The following SALL1 variants were observed in gnomAD, a reference collection of about 807,000 sequenced individuals.
SALL1 encodes the protein spalt like transcription factor 1, also known as sal-like protein 1.
In SALL1, 10 loss-of-function variants were observed where a neutral mutation model predicts 73.1. The ratio of observed to expected loss-of-function variants is 0.14; its 90% confidence interval spans 0.08 to 0.23. SALL1 has a LOEUF of 0.23. Ranked by LOEUF, SALL1 falls within the 10% of genes least tolerant of loss-of-function variation. The pLI, the probability that SALL1 is intolerant of heterozygous loss-of-function variation, is 1.00. For synonymous variants in SALL1, 688 were observed against 689.8 expected, an observed-to-expected ratio of 1.00 and a Z score of 0.04; for missense variants, 1,520 against 1,697.3, an observed-to-expected ratio of 0.90 and a Z score of 1.84.
chr16:51,140,845 C>T lies in SALL1; in HGVS notation c.1377G>A (p.Gly459=). Residue 459 remains glycine, a synonymous_variant, in exon 2 of 3, where the codon GGG becomes GGA. Coordinates refer to ENST00000251020, the MANE Select transcript of SALL1 (RefSeq NM_002968.3). The surrounding 1 kb of genome is among the most constrained non-coding windows in gnomAD (Gnocchi z 5.7). The stretch of plus-strand genomic sequence containing the variant: ...AGTGGATCTGCAAGGCACTGTCACT[C>T]CCAAAGACCTTCGCGCAGAACCTGC... ...HKCRFCAKVF[G]SDSALQIHLR... is the part of the protein sequence containing the mutation. 6.2e-7 allele frequency: 1 copy of T among 1,614,240 alleles called. No individual in the cohort carries two copies.
chr16:51,136,858 T>G lies in SALL1; in HGVS notation c.*254A>C. On this transcript the variant is annotated 3_prime_UTR_variant, in exon 3 of 3. Coordinates refer to ENST00000251020, the MANE Select transcript of SALL1 (RefSeq NM_002968.3). ...TTTACAGCACTCTAGTCAATTAGTATTTAGTCCAAAATACAGAAGACCAAA... is the reference window on the plus strand; with the variant it reads ...TTTACAGCACTCTAGTCAATTAGTAGTTAGTCCAAAATACAGAAGACCAAA... 1 of 511,290 alleles carries G rather than the reference T, an allele frequency of 2.0e-6. No homozygotes were observed. The highest frequency in any genetic ancestry group is 2.3e-5 in the South Asian group (1 of 43,528). 31.7% of individuals were successfully genotyped at this position (511,290 alleles called of 1,614,324 possible). A position where few individuals can be genotyped will look rare whatever the true frequency, so the allele number is the denominator to read the frequency against.
In SALL1 at chr16:51,141,176, G is replaced by A. The variant is rs577445716; in HGVS notation, c.1046C>T (p.Thr349Ile). Reference sequence around the variant, plus strand: ...AGCCACTTTTTCAGAGGACGGGGTGGTAACTGCCGCTGCCAATATGTTCAT... The same window carrying A: ...AGCCACTTTTTCAGAGGACGGGGTGATAACTGCCGCTGCCAATATGTTCAT... ...PNMNILAAAV[T>I]TPSSEKVASS... Residue 349 changes from threonine (T) to isoleucine (I), a missense_variant, in exon 2 of 3, where the codon ACC (threonine) becomes ATC (isoleucine). Thr to Ile is a moderately conservative substitution (Grantham distance 89). Coordinates refer to ENST00000251020, the MANE Select transcript of SALL1 (RefSeq NM_002968.3). This position sits in a 1 kb window ranked among gnomAD's most constrained non-coding sequence, Gnocchi z 5.4. 6.2e-7 allele frequency: 1 copy of A among 1,614,224 alleles called. No individual in the cohort carries two copies. The highest frequency in any genetic ancestry group is 1.3e-5 in the African/African-American group (1 of 75,048).
intron 1 of SALL1, among the ~76,000 whole-genome samples, chr16:51,150,219 G>T (rs1157285079): frequency 1.1e-4 from 16 of 152,162 alleles, no homozygotes; most frequent in Admixed American, 1.0e-3. Context: ...GCCCCTTCGG[G>T]ACCCACAGTT....
chr16:51,150,368 G>A (rs1343203389), intron 1 of SALL1: 3 of 978,942 alleles, frequency 3.1e-6, no homozygotes, highest in Non-Finnish European at 3.6e-6. Context: ...ATCCGCAGAG[G>A]GCGCATACCG....
intron 2 of SALL1, among the ~76,000 whole-genome samples, chr16:51,137,876 G>A (rs2143433416): frequency 6.6e-6 from 1 of 152,310 alleles, no homozygotes; most frequent in East Asian, 1.9e-4. Context: ...GTGGCGGATA[G>A]CTCCTTTCAG....
In SALL1 at chr16:51,141,318, T is replaced by G; in HGVS notation, c.904A>C (p.Ser302Arg). ...QLAAAAGLAQSLASQSASISG... is the reference protein window; with the variant it reads ...QLAAAAGLAQRLASQSASISG... ...ATGCTGGCAGATTGGCTGGCGAGGC[T>G]CTGTGCCAATCCAGCTGCTGCTGCC... Residue 302 changes from serine to arginine, a missense_variant, in exon 2 of 3, where the codon AGC (serine) becomes CGC (arginine). This residue lies in a region of SALL1 where 540 missense variants were observed against 567.5 expected (regional missense o/e 0.95). Transcript: ENST00000251020. The surrounding 1 kb of genome is among the most constrained non-coding windows in gnomAD (Gnocchi z 5.4). 1.2e-6 allele frequency: 2 copies of G among 1,613,810 alleles called. No individual in the cohort carries two copies. Among genetic ancestry groups the G allele is most frequent in the Non-Finnish European group, 1.7e-6 (2 of 1,180,044 alleles).
chr16:51,138,543 C>G, intron 2 of SALL1, 145 bp downstream of exon 2: 1 of 1,094,450 alleles, frequency 9.1e-7, no homozygotes, highest in Non-Finnish European at 1.3e-6. Flanking sequence ...CATTTCTCCC[C>G]CGTCAACCAT....
upstream of SALL1, among the ~76,000 whole-genome samples, chr16:51,151,529 G>T (rs1962607637): frequency 6.6e-6 from 1 of 151,854 alleles, no homozygotes; most frequent in South Asian, 2.1e-4. Context: ...GTGATTTGCT[G>T]CAGACCCCTG....
At chr16:51,150,629 AGTGTGCGTGG>A in intron 1 of SALL1, 5 of 957,624 alleles carry the variant, frequency 5.2e-6, no homozygotes, top group Non-Finnish European at 6.2e-6. Context: ...GCCGAGGGGG[AGTGTGCGTGG>A]GGGCAGGGGG....
At position 51,140,520 on chromosome 16, in the gene SALL1, G is replaced by A. The variant is rs1962404377; in HGVS notation, c.1702C>T (p.Pro568Ser). 2 of 1,614,050 alleles carry A rather than the reference G, an allele frequency of 1.2e-6. No individual in the cohort carries two copies. The highest frequency in any genetic ancestry group is 2.2e-5 in the East Asian group (1 of 44,864). The change falls in exon 2 of 3, where the codon CCC becomes TCC. Residue 568 changes from proline (P) to serine (S), a missense_variant. Pro to Ser is a moderately conservative substitution (Grantham distance 74). Coordinates refer to ENST00000251020, the MANE Select transcript of SALL1 (RefSeq NM_002968.3). This position sits in a 1 kb window ranked among gnomAD's most constrained non-coding sequence, Gnocchi z 5.7. ...PLPPTLPSLIPFIKTEEPAPI... is the reference protein window; with the variant it reads ...PLPPTLPSLISFIKTEEPAPI... Reference sequence around the variant, plus strand: ...GCTGGCTCTTCCGTCTTGATGAAGGGTATGAGGCTTGGGAGGGTTGGGGGC... The same window carrying A: ...GCTGGCTCTTCCGTCTTGATGAAGGATATGAGGCTTGGGAGGGTTGGGGGC...
chr16:51,151,282 A>G (rs1266677537), upstream of SALL1: 2 of 1,321,556 alleles, frequency 1.5e-6, no homozygotes, highest in Admixed American at 2.3e-5. Context: ...AAAAATTACT[A>G]AAAAAAAATC....
intron 1 of SALL1, among the ~76,000 whole-genome samples, chr16:51,145,863 T>C (rs1023820685): frequency 1.3e-5 from 2 of 152,164 alleles, no homozygotes; most frequent in Non-Finnish European, 2.9e-5. Flanking sequence ...GTACTTCCCA[T>C]TATCTTAAGA....
In SALL1 at chr16:51,143,303, C is replaced by G. The variant is rs116779597; in HGVS notation, c.77-1158G>C. The G allele has an allele frequency of 3.3e-3, 1,305 of 395,928 alleles. 20 individuals are homozygous for G. Among genetic ancestry groups the G allele is most frequent in the African/African-American group, 0.025 (1,207 of 47,692 alleles). 24.5% of individuals were successfully genotyped at this position (395,928 alleles called of 1,614,324 possible). A position where few individuals can be genotyped will look rare whatever the true frequency, so the allele number is the denominator to read the frequency against. On this transcript the variant is annotated intron_variant, in intron 1 of 2. Coordinates refer to ENST00000251020, the MANE Select transcript of SALL1 (RefSeq NM_002968.3). ...GTAAATTAAACAGAAAAATCTCTAA[C>G]TCCAAGCTAACATCCTATTCAAAGA...
At chr16:51,150,459 C>G (rs1422624832) in intron 1 of SALL1, 2 of 985,514 alleles carry the variant, frequency 2.0e-6, no homozygotes. Context: ...CAGACCCCGA[C>G]ACTTTCCCCG....
Position 51,141,242 on chromosome 16 carries a change from C to T in SALL1, c.980G>A (p.Gly327Asp). 6.2e-7 allele frequency: 1 copy of T among 1,614,132 alleles called. No individual in the cohort carries two copies. The highest frequency in any genetic ancestry group is 8.5e-7 in the Non-Finnish European group (1 of 1,180,038). The change falls in exon 2 of 3, where the codon GGC becomes GAC. Residue 327 changes from glycine to aspartate, a missense_variant. Gly to Asp is a moderately conservative substitution (Grantham distance 94). This residue lies in a region of SALL1 where 540 missense variants were observed against 567.5 expected (regional missense o/e 0.95). Coordinates refer to ENST00000251020, the MANE Select transcript of SALL1 (RefSeq NM_002968.3). The surrounding 1 kb of genome is among the most constrained non-coding windows in gnomAD (Gnocchi z 5.4). The stretch of plus-strand genomic sequence containing the variant: ...GCTGTTGGATGGAATGATGGTGTTG[C>T]CAGAACTGCTCTGAGGTAGCTGGAT... The part of the protein sequence containing the change: ...PPIQLPQSSS[G>D]NTIIPSNSGS...
At chr16:51,142,194 A>G in intron 1 of SALL1, 49 bp from the exon 2 acceptor site, 1 of 1,401,692 alleles carries the variant, frequency 7.1e-7, no homozygotes, top group South Asian at 1.2e-5. Flanking sequence ...CAGGACACAC[A>G]GTCACCTATG....
Position 51,141,109 on chromosome 16 carries a change from T to G in SALL1, c.1113A>C (p.Ser371=). Residue 371 remains serine (S), a synonymous_variant, in exon 2 of 3, where the codon TCA becomes TCC. Coordinates refer to ENST00000251020, the MANE Select transcript of SALL1 (RefSeq NM_002968.3). The surrounding 1 kb of genome is among the most constrained non-coding windows in gnomAD (Gnocchi z 5.4). ...TTGCAAAAGCTGGTGAGGACGATGA[T>G]GAGACCGCTGGGTTGCTGACATGGG... ...GASHVSNPAV[S]SSSSPAFAIS... is the part of the protein sequence containing the mutation. 1 of 1,614,194 alleles carries G rather than the reference T, an allele frequency of 6.2e-7. No individual in the cohort carries two copies. The highest frequency in any genetic ancestry group is 1.1e-5 in the South Asian group (1 of 91,088).
At position 51,141,828 on chromosome 16, in the gene SALL1, C is replaced by A; in HGVS notation, c.394G>T (p.Ala132Ser). 1 of 1,613,914 alleles carries A rather than the reference C, an allele frequency of 6.2e-7. No homozygotes were observed. The highest frequency in any genetic ancestry group is 2.2e-5 in the East Asian group (1 of 44,884). ...EESMEVEAPVANKSGSGTSSG... is the reference protein window; with the variant it reads ...EESMEVEAPVSNKSGSGTSSG... ...GAAGTGCCGCTGCCGCTTTTGTTAG[C>A]AACCGGGGCCTCCACCTCCATGGAC... Residue 132 changes from alanine (A) to serine (S), a missense_variant, in exon 2 of 3, where the codon GCT becomes TCT. By Grantham distance (99) the Ala-to-Ser change is moderately conservative (BLOSUM62 1). Transcript: ENST00000251020. This position sits in a 1 kb window ranked among gnomAD's most constrained non-coding sequence, Gnocchi z 5.4.
In SALL1 at chr16:51,139,793, G is replaced by A. The variant is rs368991736; in HGVS notation, c.2429C>T (p.Thr810Ile). ...AAAATTTTTCTCATCAAAGGAACCT[G>A]TGTCAGACTCCATGGACTCAGAGTA... is the stretch of plus-strand genomic sequence containing the variant. Reference protein sequence around the residue: ...DSYSESMESDTGSFDEKNFDD... With the variant: ...DSYSESMESDIGSFDEKNFDD... The change falls in exon 2 of 3, where the codon ACA becomes ATA. Residue 810 changes from threonine (T) to isoleucine (I), a missense_variant. Around this residue, in one of 7 missense-constraint regions of SALL1, gnomAD observed 266 missense variants for 275.1 expected, o/e 0.97. Coordinates refer to ENST00000251020, the MANE Select transcript of SALL1 (RefSeq NM_002968.3). 3.1e-6 allele frequency: 5 copies of A among 1,614,222 alleles called. No homozygotes were observed. The highest frequency in any genetic ancestry group is 4.2e-6 in the Non-Finnish European group (5 of 1,180,040).
Sources: gnomAD v4.1 joint callset for allele counts (sites outside exome capture counted in the v4.1 genomes callset) on GRCh38, gnomAD v4.1.1 for gene constraint, gnomAD v4.1.1 regional missense constraint, Gnocchi (gnomAD v3.1) non-coding constraint, MANE v1.5 for transcripts, NCBI Gene and HGNC (gene_info 2026-07-23, HGNC 2026-07-21) for gene names.